Variants in ERBB4 observed in about 807,000 individuals in gnomAD.
ERBB4 encodes receptor tyrosine-protein kinase erbB-4.
A neutral mutation model predicts 158.0 loss-of-function variants in ERBB4; 42 were observed. The observed-to-expected ratio is 0.27, with a 90% CI of 0.21 to 0.34. The LOEUF is 0.34. Ranked by LOEUF, ERBB4 falls within the 10% of genes least tolerant of loss-of-function variation. The pLI, the probability that ERBB4 is intolerant of heterozygous loss-of-function variation, is 1.00. For synonymous variants in ERBB4, 583 were observed against 558.7 expected (o/e 1.04, Z -0.61); for missense variants, 1,333 against 1,624.1 (o/e 0.82, Z 3.08).
chr2:211,396,743 G>A (rs997092914), intron 25 of ERBB4, among the ~76,000 whole-genome samples: 1 of 152,178 alleles, frequency 6.6e-6, no homozygotes, highest in Non-Finnish European at 1.5e-5. Flanking sequence ...TACAGATAAA[G>A]CCCTTCAGTG....
chr2:212,510,317 A>G (rs1227993713), intron 1 of ERBB4, among the ~76,000 whole-genome samples: 1 of 150,934 alleles, frequency 6.6e-6, no homozygotes, highest in Non-Finnish European at 1.5e-5. Flanking sequence ...AGTGTACAGA[A>G]GGCTACATGT....
intron 2 of ERBB4, among the ~76,000 whole-genome samples, chr2:211,985,863 C>T (rs774840757): frequency 8.6e-5 from 13 of 151,974 alleles, no homozygotes; most frequent in South Asian, 8.3e-4. Context: ...AATGTTGTAT[C>T]GAAGGGATCT....
intron 1 of ERBB4, among the ~76,000 whole-genome samples, chr2:212,513,966 T>C (rs1193607963): frequency 1.3e-5 from 2 of 151,646 alleles, no homozygotes; most frequent in African/African-American, 2.4e-5. Context: ...ACTTTCCACA[T>C]GCTACTTTAT....
chr2:212,156,604 C>T (rs559049442), intron 1 of ERBB4, among the ~76,000 whole-genome samples: 1 of 152,280 alleles, frequency 6.6e-6, no homozygotes, highest in African/African-American at 2.4e-5. Context: ...ATTGTGCATC[C>T]TTCTGAACTG....
intron 3 of ERBB4, among the ~76,000 whole-genome samples, chr2:211,936,070 A>C (rs945539926): frequency 6.6e-6 from 1 of 152,132 alleles, no homozygotes; most frequent in Non-Finnish European, 1.5e-5. Flanking sequence ...AGAATTTATT[A>C]TTGTGTTCTT....
intron 1 of ERBB4, among the ~76,000 whole-genome samples, chr2:212,133,422 T>G (rs1217044764): frequency 1.4e-5 from 2 of 143,462 alleles, no homozygotes; most frequent in African/African-American, 5.5e-5. Context: ...GTTTTGTTTT[T>G]GTTTTTTTTT....
chr2:212,191,890 T>C (rs1264934526), intron 1 of ERBB4, among the ~76,000 whole-genome samples: 1 of 143,232 alleles, frequency 7.0e-6, no homozygotes, highest in Non-Finnish European at 1.5e-5. Flanking sequence ...ATGTTACATG[T>C]TATATATTAT....
At chr2:211,830,367 C>G (rs1383498657) in intron 3 of ERBB4, among the ~76,000 whole-genome samples, 1 of 152,046 alleles carries the variant, frequency 6.6e-6, no homozygotes, top group African/African-American at 2.4e-5. Context: ...ATTTGAGGAG[C>G]CTACTCTACT....
chr2:211,420,689 G>A (rs1042791117), intron 24 of ERBB4, 78 bp from the exon 25 acceptor site: 5 of 1,247,112 alleles, frequency 4.0e-6, no homozygotes, highest in Admixed American at 3.5e-5. Context: ...ATAAATTTAT[G>A]TAATATCATA....
intron 2 of ERBB4, among the ~76,000 whole-genome samples, chr2:211,954,978 T>C (rs773722195): frequency 1.3e-5 from 2 of 152,098 alleles, no homozygotes; most frequent in Non-Finnish European, 2.9e-5. Flanking sequence ...ATTTTTCCCA[T>C]TGTTTTTAAA....
chr2:211,658,918 A>G (rs1221998222), intron 15 of ERBB4, among the ~76,000 whole-genome samples: 1 of 152,112 alleles, frequency 6.6e-6, no homozygotes, highest in African/African-American at 2.4e-5. Flanking sequence ...CTTTTCTCCC[A>G]TCAAAGACAT....
intron 4 of ERBB4, among the ~76,000 whole-genome samples, chr2:211,767,034 A>G (rs2106255785): frequency 6.6e-6 from 1 of 152,320 alleles, no homozygotes; most frequent in Non-Finnish European, 1.5e-5. Flanking sequence ...GCAAGTAACC[A>G]ATGGGAAACC....
chr2:211,572,494 T>C (rs887293304), intron 19 of ERBB4, among the ~76,000 whole-genome samples: 4 of 152,178 alleles, frequency 2.6e-5, no homozygotes. Context: ...GCTCCCTGGC[T>C]TTCATTTGGG....
intron 20 of ERBB4, among the ~76,000 whole-genome samples, chr2:211,481,538 T>C (rs1024903017): frequency 6.6e-6 from 1 of 152,016 alleles, no homozygotes. Context: ...TTTTTTTTTT[T>C]TTCCTTACAA....
chr2:212,193,888 T>A (rs2082346770), intron 1 of ERBB4, among the ~76,000 whole-genome samples: 4 of 152,046 alleles, frequency 2.6e-5, no homozygotes. Context: ...CTTTCAAGAC[T>A]GTTGAGTGTG....
intron 1 of ERBB4, among the ~76,000 whole-genome samples, chr2:212,137,252 T>C (rs2080301297): frequency 6.6e-6 from 1 of 152,184 alleles, no homozygotes. Context: ...TGGGGGTTTG[T>C]TGTACAGATT....
At chr2:212,070,859 T>G (rs899502127) in intron 2 of ERBB4, among the ~76,000 whole-genome samples, 5 of 152,052 alleles carry the variant, frequency 3.3e-5, no homozygotes, top group Non-Finnish European at 7.4e-5. Context: ...CAGATTGCCA[T>G]TTCACACTTC....
At chr2:212,477,273 G>A (rs1689452186) in intron 1 of ERBB4, among the ~76,000 whole-genome samples, 2 of 152,090 alleles carry the variant, frequency 1.3e-5, no homozygotes, top group South Asian at 4.1e-4. Flanking sequence ...AGTTTTACTG[G>A]TTCTCATTAG....
intron 18 of ERBB4, among the ~76,000 whole-genome samples, chr2:211,622,574 G>A (rs1269089485): frequency 6.6e-6 from 1 of 151,848 alleles, no homozygotes; most frequent in Non-Finnish European, 1.5e-5. Flanking sequence ...GTTTTAAATA[G>A]AAAAAAATGA....
Sources: gnomAD v4.1 joint callset for allele counts (sites outside exome capture counted in the v4.1 genomes callset) on GRCh38, gnomAD v4.1.1 for gene constraint, MANE v1.5 for transcripts, NCBI Gene and HGNC (gene_info 2026-07-23, HGNC 2026-07-21) for gene names.